Variants in MS4A8 observed in about 807,000 individuals in gnomAD.
MS4A8 encodes membrane spanning 4-domains A8.
In MS4A8, 27 loss-of-function variants were observed where a neutral mutation model predicts 23.7. That is an observed-to-expected ratio of 1.14 (90% CI 0.84 to 1.57). MS4A8 has a LOEUF of 1.57. MS4A8 is among the 40% of genes most tolerant of loss of function. MS4A8 has a pLI of 0.00. For synonymous variants in MS4A8, 138 were observed against 126.3 expected (o/e 1.09, Z -0.62); for missense variants, 301 against 311.4 (o/e 0.97, Z 0.25).
intron 2 of MS4A8, among the ~76,000 whole-genome samples, chr11:60,702,821 G>A (rs1455108086): frequency 6.6e-6 from 1 of 152,208 alleles, no homozygotes; most frequent in East Asian, 1.9e-4. Flanking sequence ...GTCACATTCT[G>A]AGGCACTCAG....
At position 60,701,129 on chromosome 11, in the gene MS4A8, G is replaced by A. The variant is rs113244668; in HGVS notation, c.219+50G>A. The A allele has an allele frequency of 2.0e-3, 3,024 of 1,550,506 alleles. 41 individuals carry two copies. The African/African-American group carries it at 0.033, about 17-fold the overall frequency. ...CCACAGACTGCACAGCTGGAGTGAT[G>A]GCAGGGGGAAGGGAAGGCCTGGGAA... On this transcript the variant is annotated intron_variant, in intron 2 of 6. Transcript: ENST00000300226.
intron 5 of MS4A8, among the ~76,000 whole-genome samples, chr11:60,710,519 A>T (rs1301732120): frequency 6.6e-6 from 1 of 152,032 alleles, no homozygotes; most frequent in Non-Finnish European, 1.5e-5. Flanking sequence ...ATGCATTCAG[A>T]ATCCCACCAT....
chr11:60,712,753 C>T (rs537732403), intron 5 of MS4A8, among the ~76,000 whole-genome samples: 93 of 151,880 alleles, frequency 6.1e-4, no homozygotes, highest in African/African-American at 2.2e-3. Flanking sequence ...GCTCATGCCA[C>T]TGCTCTCCAA....
intron 5 of MS4A8, among the ~76,000 whole-genome samples, chr11:60,710,458 T>A (rs190192287): frequency 6.6e-6 from 1 of 152,300 alleles, no homozygotes; most frequent in Non-Finnish European, 1.5e-5. Context: ...TGTCTTTCTC[T>A]CACACCTCAC....
At chr11:60,711,394 C>G (rs1328525243) in intron 5 of MS4A8, among the ~76,000 whole-genome samples, 1 of 152,192 alleles carries the variant, frequency 6.6e-6, no homozygotes, top group African/African-American at 2.4e-5. Context: ...GGACCAAGTC[C>G]ATGTCATTTA....
rs537207332 is a variant in MS4A8, at chr11:60,709,768, T to C, written c.534+987T>C. Among the ~76,000 whole-genome samples the C allele has an allele frequency of 2.6e-5, 4 of 152,314 alleles. No individual in the cohort carries two copies. The East Asian group carries it at 7.7e-4, about 29-fold the overall frequency. On this transcript the variant is annotated intron_variant, in intron 5 of 6. Transcript: ENST00000300226. ...TCCCGTCTCTCCTCTACATCATCAG[T>C]CTTTCCCCCTTTGCTGGGGCTTTTG...
chr11:60,700,545 C>CA (rs201018359), intron 1 of MS4A8, among the ~76,000 whole-genome samples: 2,471 of 149,250 alleles, frequency 0.017, 74 homozygotes, highest in African/African-American at 0.058. Context: ...GACTCTGTCT[C>CA]AAAAAAAAAT....
At chr11:60,701,386 G>C (rs771696869) in intron 2 of MS4A8, 4 of 504,584 alleles carry the variant, frequency 7.9e-6, no homozygotes, top group Non-Finnish European at 1.5e-5. Flanking sequence ...TGAAGAAAGG[G>C]GTCCCAGCAA....
chr11:60,703,578 A>C (rs2088225689), intron 3 of MS4A8, 78 bp downstream of exon 3: 1 of 1,539,634 alleles, frequency 6.5e-7, no homozygotes, highest in Non-Finnish European at 8.8e-7. Flanking sequence ...CAAGTTGTGC[A>C]GCTGTGCCCT....
chr11:60,707,440 G>A (rs1176432048), intron 4 of MS4A8, among the ~76,000 whole-genome samples: 1 of 152,062 alleles, frequency 6.6e-6, no homozygotes, highest in Non-Finnish European at 1.5e-5. Flanking sequence ...GTACAGAGAA[G>A]AGGACTCCGG....
chr11:60,703,856 T>G (rs896841222), intron 3 of MS4A8, among the ~76,000 whole-genome samples: 2 of 152,210 alleles, frequency 1.3e-5, no homozygotes, highest in African/African-American at 2.4e-5. Context: ...CCTTCCTCCA[T>G]GCCTGTGCCC....
At chr11:60,707,837 T>G (rs1827935) in intron 4 of MS4A8, among the ~76,000 whole-genome samples, 1 of 84,650 alleles carries the variant, frequency 1.2e-5, no homozygotes, top group African/African-American at 4.4e-5. Context: ...TTTTTTTTTG[T>G]GTGTGTGTGT....
intron 3 of MS4A8, among the ~76,000 whole-genome samples, chr11:60,706,540 G>A (rs1384432420): frequency 6.6e-6 from 1 of 152,080 alleles, no homozygotes; most frequent in African/African-American, 2.4e-5. Flanking sequence ...ACTGAATCTT[G>A]ATATAAAGAT....
At position 60,708,753 on chromosome 11, in the gene MS4A8, C is replaced by T. The variant is rs1181363672; in HGVS notation, c.506C>T (p.Pro169Leu). Residue 169 changes from proline (P) to leucine (L), a missense_variant, in exon 5 of 7, where the codon CCC becomes CTC. Pro to Leu is a moderately conservative substitution (Grantham distance 98). Coordinates refer to ENST00000300226, the MANE Select transcript of MS4A8 (RefSeq NM_031457.2). ...DLSIPHPYAYPDYYPYAWGVN... is the reference protein window; with the variant it reads ...DLSIPHPYAYLDYYPYAWGVN... The stretch of plus-strand genomic sequence containing the variant: ...AGTATTCCCCACCCATATGCCTACC[C>T]CGACTATTATCCTTACGCCTGGGGT... 6 of 1,614,030 alleles carry T rather than the reference C, an allele frequency of 3.7e-6. No individual in the cohort carries two copies. Among genetic ancestry groups the T allele is most frequent in the Non-Finnish European group, 5.1e-6 (6 of 1,179,940 alleles).
At chr11:60,708,576 C>A in intron 4 of MS4A8, 74 bp from the exon 5 acceptor site, 1 of 1,418,748 alleles carries the variant, frequency 7.0e-7, no homozygotes, top group Non-Finnish European at 9.3e-7. Context: ...GAAAAAGAAA[C>A]ACTTGTTGGG....
At chr11:60,705,444 T>C (rs1429653283) in intron 3 of MS4A8, among the ~76,000 whole-genome samples, 1 of 152,228 alleles carries the variant, frequency 6.6e-6, no homozygotes, top group Non-Finnish European at 1.5e-5. Flanking sequence ...CTCCTTTTGC[T>C]CTGCAGGGCA....
At chr11:60,705,456 T>C (rs111881388) in intron 3 of MS4A8, among the ~76,000 whole-genome samples, 310 of 152,338 alleles carry the variant, frequency 2.0e-3, no homozygotes, top group African/African-American at 7.0e-3. Context: ...TGCAGGGCAG[T>C]TGTGCTCTTT....
chr11:60,708,079 C>G (rs2134658997), intron 4 of MS4A8, among the ~76,000 whole-genome samples: 1 of 152,092 alleles, frequency 6.6e-6, no homozygotes. Context: ...AACTCCTGAC[C>G]TCAGGTGATC....
At chr11:60,705,985 G>A (rs2088252276) in intron 3 of MS4A8, among the ~76,000 whole-genome samples, 1 of 152,202 alleles carries the variant, frequency 6.6e-6, no homozygotes, top group Non-Finnish European at 1.5e-5. Context: ...AGGCGAGGTT[G>A]AACAAGTACT....
Sources: allele counts gnomAD v4.1 joint callset (sites outside exome capture counted in the v4.1 genomes callset), GRCh38; gene constraint gnomAD v4.1.1; transcripts MANE v1.5; gene names NCBI Gene and HGNC (gene_info 2026-07-23, HGNC 2026-07-21).